CORO1C: variants seen among roughly 807,000 people sequenced by gnomAD.
CORO1C encodes the protein coronin-1C.
CORO1C carries 14 observed loss-of-function variants against 51.2 expected under a neutral mutation model. The observed-to-expected ratio is 0.27, with a 90% CI of 0.18 to 0.43. CORO1C has a LOEUF of 0.43. Ranked by LOEUF, CORO1C falls within the 20% of genes least tolerant of loss-of-function variation. CORO1C has a pLI of 1.00. For missense variants in CORO1C, 417 were observed against 607.8 expected, an observed-to-expected ratio of 0.69 and a Z score of 3.30; for synonymous variants, 181 against 210.5, an observed-to-expected ratio of 0.86 and a Z score of 1.21.
intron 1 of CORO1C, among the ~76,000 whole-genome samples, chr12:108,719,138 T>G (rs1197390462): frequency 6.6e-6 from 1 of 152,222 alleles, no homozygotes; most frequent in Admixed American, 6.5e-5. Flanking sequence ...ATTATAATCT[T>G]TAATTCTCTA....
intron 1 of CORO1C, among the ~76,000 whole-genome samples, chr12:108,711,692 A>C (rs1404016188): frequency 1.3e-5 from 2 of 152,048 alleles, no homozygotes; most frequent in African/African-American, 4.8e-5. Flanking sequence ...AAAAAAAAAA[A>C]AAAACTTATC....
chr12:108,657,280 G>A (rs2033067867), intron 6 of CORO1C, 24 bp downstream of exon 6: 1 of 1,609,154 alleles, frequency 6.2e-7, no homozygotes, highest in East Asian at 2.2e-5. Flanking sequence ...GTGAAAGCAA[G>A]TGGAAAGCCT....
intron 3 of CORO1C, among the ~76,000 whole-genome samples, chr12:108,672,230 T>C (rs1375515951): frequency 6.6e-6 from 1 of 152,210 alleles, no homozygotes; most frequent in African/African-American, 2.4e-5. Context: ...ACACAATGAT[T>C]GATGGAGAGT....
intron 3 of CORO1C, among the ~76,000 whole-genome samples, chr12:108,673,422 G>C (rs1208335129): frequency 6.6e-6 from 1 of 152,224 alleles, no homozygotes; most frequent in Non-Finnish European, 1.5e-5. Flanking sequence ...GTTAACGAAA[G>C]ACGCCATCTC....
intron 6 of CORO1C, among the ~76,000 whole-genome samples, chr12:108,655,908 C>T (rs1398230924): frequency 9.9e-5 from 15 of 151,486 alleles, no homozygotes; most frequent in Non-Finnish European, 4.4e-5. Flanking sequence ...CGCCTCTTCC[C>T]GGCCGCCATC....
At chr12:108,682,780 A>C (rs1430095782) in intron 2 of CORO1C, among the ~76,000 whole-genome samples, 1 of 152,232 alleles carries the variant, frequency 6.6e-6, no homozygotes, top group Non-Finnish European at 1.5e-5. Flanking sequence ...ACCACAAAGC[A>C]AATCTCAAAA....
rs550361944 is a variant in CORO1C, at chr12:108,676,558, G to T, written c.318+1714C>A. ...AGGCTGAGGCGGGGGGATCACTTGA[G>T]GTCAGGAGTTCGAGACCAGCCTGGC... is the stretch of plus-strand genomic sequence containing the variant. On this transcript the variant is annotated intron_variant, in intron 3 of 10. Transcript: ENST00000261401. Among the ~76,000 whole-genome samples, 7 of 151,922 alleles carry T rather than the reference G, an allele frequency of 4.6e-5. No homozygotes were observed. The South Asian group carries it at 1.5e-3, about 32-fold the overall frequency.
At chr12:108,674,351 A>G (rs2033826101) in intron 3 of CORO1C, among the ~76,000 whole-genome samples, 2 of 152,186 alleles carry the variant, frequency 1.3e-5, no homozygotes, top group African/African-American at 4.8e-5. Flanking sequence ...GATGGAGACC[A>G]TCCTGGCTAA....
chr12:108,690,293 G>C (rs1010253830), intron 2 of CORO1C, among the ~76,000 whole-genome samples: 3 of 135,844 alleles, frequency 2.2e-5, no homozygotes, highest in Non-Finnish European at 5.0e-5. Context: ...GTAAAAGGAG[G>C]TGCTCTGGAA....
chr12:108,701,552 A>G (rs1046738893), intron 1 of CORO1C: 14 of 576,972 alleles, frequency 2.4e-5, no homozygotes, highest in Non-Finnish European at 4.2e-5. Context: ...TCCTAATTCA[A>G]GATCCAGAAA....
chr12:108,701,515 G>A (rs1276548626), intron 1 of CORO1C, 192 bp from the exon 2 acceptor site: 4 of 719,420 alleles, frequency 5.6e-6, no homozygotes, highest in Non-Finnish European at 6.6e-6. Context: ...AATGCGTCAG[G>A]GAAAGAATTA....
intron 2 of CORO1C, among the ~76,000 whole-genome samples, chr12:108,691,954 T>G (rs1056054398): frequency 1.3e-5 from 2 of 152,202 alleles, no homozygotes; most frequent in African/African-American, 4.8e-5. Context: ...GCCAGGACTT[T>G]GTGCTCCATT....
At chr12:108,673,323 G>C (rs1415365170) in intron 3 of CORO1C, among the ~76,000 whole-genome samples, 4 of 152,196 alleles carry the variant, frequency 2.6e-5, no homozygotes, top group Admixed American at 2.6e-4. Context: ...CCAGAGCAAA[G>C]TCCTAACTCT....
chr12:108,704,662 G>T (rs1268193099), intron 1 of CORO1C, among the ~76,000 whole-genome samples: 1 of 152,206 alleles, frequency 6.6e-6, no homozygotes, highest in African/African-American at 2.4e-5. Context: ...GGAGCTTGAA[G>T]GGCAGTGTGA....
chr12:108,717,909 G>C (rs1592949340), intron 1 of CORO1C, among the ~76,000 whole-genome samples: 1 of 152,084 alleles, frequency 6.6e-6, no homozygotes, highest in South Asian at 2.1e-4. Flanking sequence ...AAAACGTATT[G>C]AGCATGCTAT....
chr12:108,706,719 C>T (rs1256811460), intron 1 of CORO1C, among the ~76,000 whole-genome samples: 3 of 152,044 alleles, frequency 2.0e-5, no homozygotes, highest in African/African-American at 7.2e-5. Flanking sequence ...CTCAGCCTCC[C>T]GAGTAGCCGG....
intron 1 of CORO1C, among the ~76,000 whole-genome samples, chr12:108,708,898 G>A (rs769086762): frequency 2.6e-5 from 4 of 151,868 alleles, no homozygotes; most frequent in Non-Finnish European, 4.4e-5. Flanking sequence ...GACCACAAGC[G>A]TACGCCACCA....
chr12:108,683,091 G>GA (rs1397673027), intron 2 of CORO1C, among the ~76,000 whole-genome samples: 1 of 152,152 alleles, frequency 6.6e-6, no homozygotes, highest in East Asian at 1.9e-4. Flanking sequence ...TGAGAAGTTA[G>GA]AAAATGAACA....
chr12:108,659,163 A>C (rs2033152074), intron 4 of CORO1C, among the ~76,000 whole-genome samples: 1 of 152,240 alleles, frequency 6.6e-6, no homozygotes, highest in Admixed American at 6.5e-5. Flanking sequence ...TGTTAAAGTA[A>C]AAACACAACT....
Sources: gnomAD v4.1 joint callset for allele counts (sites outside exome capture counted in the v4.1 genomes callset) on GRCh38, gnomAD v4.1.1 for gene constraint, MANE v1.5 for transcripts, NCBI Gene and HGNC (gene_info 2026-07-23, HGNC 2026-07-21) for gene names.